DNAH17: variants seen among roughly 807,000 people sequenced by gnomAD.
DNAH17 encodes axonemal beta dynein heavy chain 17.
DNAH17 carries 376 observed loss-of-function variants against 485.6 expected under a neutral mutation model. That is an observed-to-expected ratio of 0.77 (90% CI 0.71 to 0.84). The LOEUF is 0.84. Ranked by LOEUF, DNAH17 falls within the 40% of genes least tolerant of loss-of-function variation. The pLI is 0.00. For synonymous variants in DNAH17, 3,031 were observed against 2,405.9 expected (o/e 1.26, Z -7.60); for missense variants, 6,370 against 5,839.3 (o/e 1.09, Z -2.96).
At position 78,486,448 on chromosome 17, in the gene DNAH17, T is replaced by A. The variant is rs2089612901; in HGVS notation, c.6877A>T (p.Ile2293Phe). 6.2e-7 allele frequency: 1 copy of A among 1,613,530 alleles called. No individual in the cohort carries two copies. The highest frequency in any genetic ancestry group is 8.5e-7 in the Non-Finnish European group (1 of 1,179,866). ...GTGGGCAGGTACTTGTCAAAGAGGA[T>A]CATCAGGTTGGCCTTCTCCGACTGC... is the stretch of plus-strand genomic sequence containing the variant. The part of the protein sequence containing the change: ...KVQSEKANLM[I>F]LFDKYLPTCL... The change falls in exon 45 of 81, where the codon ATC becomes TTC. Residue 2293 changes from isoleucine (I) to phenylalanine (F), a missense_variant. Transcript: ENST00000389840.
At chr17:78,502,310 C>CG (rs2090324704) in intron 33 of DNAH17, 1,799 of 345,202 alleles carry the variant, frequency 5.2e-3, no homozygotes, top group South Asian at 0.01. Context: ...TAACCAAGGA[C>CG]ATTTTTTTTT....
intron 25 of DNAH17, among the ~76,000 whole-genome samples, chr17:78,521,129 G>C (rs769455616): frequency 1.2e-4 from 19 of 152,260 alleles, no homozygotes; most frequent in Non-Finnish European, 1.5e-5. Context: ...AGCGGGGCCA[G>C]GCGCTGTGGC....
chr17:78,517,233 G>A (rs2090811842), intron 25 of DNAH17, among the ~76,000 whole-genome samples: 1 of 152,174 alleles, frequency 6.6e-6, no homozygotes, highest in African/African-American at 2.4e-5. Flanking sequence ...TAGTAGAGAT[G>A]GGGTTTTGCC....
At chr17:78,455,253 C>T (rs533488439) in intron 63 of DNAH17, among the ~76,000 whole-genome samples, 4 of 151,852 alleles carry the variant, frequency 2.6e-5, no homozygotes, top group South Asian at 2.1e-4. Context: ...AGCCTCATCA[C>T]GGAAGTCAAG....
chr17:78,463,431 C>A (rs556238254), intron 56 of DNAH17, among the ~76,000 whole-genome samples: 4 of 149,658 alleles, frequency 2.7e-5, no homozygotes, highest in African/African-American at 1.0e-4. Flanking sequence ...CATATATACA[C>A]GTGCATACGC....
At chr17:78,444,389 G>A (rs1452954529) in intron 71 of DNAH17, among the ~76,000 whole-genome samples, 2 of 152,194 alleles carry the variant, frequency 1.3e-5, no homozygotes, top group Admixed American at 6.5e-5. Context: ...ACTGGAGTCC[G>A]CAGCCTGGGG....
At chr17:78,482,096 G>A (rs912281294) in intron 48 of DNAH17, among the ~76,000 whole-genome samples, 9 of 119,918 alleles carry the variant, frequency 7.5e-5, no homozygotes, top group Admixed American at 1.9e-4. Context: ...TTTTTCCCCC[G>A]AGACAGGGTC....
At position 78,525,115 on chromosome 17, in the gene DNAH17, G is replaced by C; in HGVS notation, c.3758C>G (p.Ser1253Cys). 6.2e-7 allele frequency: 1 copy of C among 1,613,790 alleles called. No individual in the cohort carries two copies. Among genetic ancestry groups the C allele is most frequent in the Non-Finnish European group, 8.5e-7 (1 of 1,179,868 alleles). ...GACCTCGAACAGGCCCCCGGACTTG[G>C]ACAGCGCCTCCATGATGCCTTCCAT... ...SAMEGIMEALSKSGGLFEVPV... is the reference protein window; with the variant it reads ...SAMEGIMEALCKSGGLFEVPV... The change falls in exon 25 of 81, where the codon TCC becomes TGC. Residue 1253 changes from serine (S) to cysteine (C), a missense_variant. Ser to Cys is a moderately radical substitution (Grantham distance 112, BLOSUM62 -1). Transcript: ENST00000389840.
Position 78,485,570 on chromosome 17 carries a change from G to C in DNAH17, c.7463C>G (p.Thr2488Arg). 1 of 1,612,424 alleles carries C rather than the reference G, an allele frequency of 6.2e-7. No homozygotes were observed. The highest frequency in any genetic ancestry group is 8.5e-7 in the Non-Finnish European group (1 of 1,179,326). The change falls in exon 47 of 81, where the codon ACG (threonine) becomes AGG (arginine). Residue 2488 changes from threonine (T) to arginine (R), a missense_variant. Thr to Arg is a moderately conservative substitution (Grantham distance 71). Transcript: ENST00000389840. ...CTCACCCTGCAGCATGGCTGAGGTC[G>C]TGTAGAAGTTGAAGGGCACAGCCTG... ...LVQAVPFNFYTTSAMLQGVLE... is the reference protein window; with the variant it reads ...LVQAVPFNFYRTSAMLQGVLE...
At chr17:78,571,093 G>A in intron 5 of DNAH17, 60 bp from the exon 6 acceptor site, 1 of 1,474,622 alleles carries the variant, frequency 6.8e-7, no homozygotes, top group Admixed American at 2.0e-5. Context: ...CAGAAACGAT[G>A]AGGGTGCGGC....
intron 17 of DNAH17, 173 bp downstream of exon 17, chr17:78,543,684 C>G (rs964502598): frequency 2.1e-6 from 2 of 964,444 alleles, no homozygotes; most frequent in African/African-American, 3.2e-5. Flanking sequence ...CTCAGCCTCC[C>G]AGAGTGCTGG....
rs570614684 is a variant in DNAH17 at position 78,486,028 on chromosome 17, T to C, written c.7207A>G (p.Thr2403Ala). 4 of 1,613,974 alleles carry C rather than the reference T, an allele frequency of 2.5e-6. No homozygotes were observed. The highest frequency in any genetic ancestry group is 3.3e-5 in the Admixed American group (2 of 60,026). ...TCTGTCCAGGGCAGGAACTTTTTTG[T>C]GTCAGGATCAATGTAGTAGTCAAAA... ...TIFDYYIDPD[T>A]KKFLPWTDKV... is the part of the protein sequence containing the mutation. Residue 2403 changes from threonine to alanine, a missense_variant, in exon 46 of 81, where the codon ACA (threonine) becomes GCA (alanine). By Grantham distance (58) the Thr-to-Ala change is moderately conservative. Coordinates refer to ENST00000389840, the MANE Select transcript of DNAH17 (RefSeq NM_173628.4).
intron 18 of DNAH17, 43 bp downstream of exon 18, chr17:78,539,694 G>A (rs747281389): frequency 3.0e-5 from 45 of 1,480,218 alleles, no homozygotes; most frequent in Non-Finnish European, 3.7e-5. Flanking sequence ...TAACAGATAA[G>A]AATACATATA....
chr17:78,518,944 T>C (rs577080873), intron 25 of DNAH17, among the ~76,000 whole-genome samples: 5 of 151,990 alleles, frequency 3.3e-5, no homozygotes, highest in African/African-American at 1.2e-4. Flanking sequence ...CGAAGTGGGC[T>C]GATCACAAGG....
At chr17:78,475,193 G>T in intron 54 of DNAH17, 85 bp downstream of exon 54, 1 of 1,451,868 alleles carries the variant, frequency 6.9e-7, no homozygotes, top group East Asian at 2.3e-5. Context: ...GTACTCGCTG[G>T]CTTCATTTTG....
chr17:78,491,378 C>T (rs955477093), intron 43 of DNAH17, 65 bp downstream of exon 43: 2 of 1,573,438 alleles, frequency 1.3e-6, no homozygotes, highest in African/African-American at 1.4e-5. Flanking sequence ...GTAGGCGCCT[C>T]CCTGTGAGCC....
At chr17:78,459,428 G>T (rs540777339) in intron 60 of DNAH17, among the ~76,000 whole-genome samples, 85 of 152,342 alleles carry the variant, frequency 5.6e-4, no homozygotes, top group African/African-American at 2.0e-3. Context: ...TCGGGCACCA[G>T]GAGACTGAAA....
chr17:78,540,109 T>C (rs1042178801), intron 17 of DNAH17, among the ~76,000 whole-genome samples: 3 of 152,124 alleles, frequency 2.0e-5, no homozygotes, highest in Admixed American at 2.0e-4. Flanking sequence ...TCAGCTCAAA[T>C]GTCCCTTCCT....
rs1396031125 is a variant in DNAH17 at position 78,460,348 on chromosome 17, G to GTGTGTGCATGTGTGTGCA, written c.9340-92_9340-91insTGCACACACATGCACACA. 2.3e-3 allele frequency: 2,268 copies of GTGTGTGCATGTGTGTGCA among 988,722 alleles called. 54 individuals are homozygous for GTGTGTGCATGTGTGTGCA. The African/African-American group carries it at 0.028, about 12-fold the overall frequency. 61.2% of individuals were successfully genotyped at this position (988,722 alleles called of 1,614,324 possible). A position where few individuals can be genotyped will look rare whatever the true frequency, so the allele number is the denominator to read the frequency against. ...TGCATGTGTGTGCATGTGTGTGCAT[G>GTGTGTGCATGTGTGTGCA]TGTGTGCATGTATGCACGTGCATGA... On this transcript the variant is annotated intron_variant, in intron 58 of 80. Coordinates refer to ENST00000389840, the MANE Select transcript of DNAH17 (RefSeq NM_173628.4).
Sources: gnomAD v4.1 joint callset for allele counts (sites outside exome capture counted in the v4.1 genomes callset) on GRCh38, gnomAD v4.1.1 for gene constraint, MANE v1.5 for transcripts, NCBI Gene and HGNC (gene_info 2026-07-23, HGNC 2026-07-21) for gene names.